Variants in CD4 observed in about 807,000 individuals in gnomAD.
The protein encoded by CD4 is T-cell surface glycoprotein CD4.
CD4 carries 25 observed loss-of-function variants against 50.5 expected under a neutral mutation model. The observed-to-expected ratio is 0.49, with a 90% CI of 0.36 to 0.69. CD4 has a LOEUF of 0.69. Ranked by LOEUF, CD4 falls within the 30% of genes least tolerant of loss-of-function variation. The probability of loss-of-function intolerance (pLI) is 0.00; values close to 1 mark genes in which losing one functional copy is unlikely to be tolerated. For synonymous variants in CD4, 207 were observed against 221.9 expected (o/e 0.93, Z 0.60); for missense variants, 456 against 548.5 (o/e 0.83, Z 1.68).
chr12:6,803,616 C>T (rs1942629780), intron 3 of CD4, among the ~76,000 whole-genome samples: 1 of 149,716 alleles, frequency 6.7e-6, no homozygotes, highest in Non-Finnish European at 1.5e-5. Context: ...AACCCCGTCT[C>T]TACTAAAAAT....
In CD4 at chr12:6,818,068, A is replaced by G. The variant is rs58896062; in HGVS notation, c.1157-353A>G. Among the ~76,000 whole-genome samples the G allele has an allele frequency of 0.15, 22,229 of 145,778 alleles. 3,502 individuals are homozygous for G. Among genetic ancestry groups the G allele is most frequent in the African/African-American group, 0.41 (16,399 of 40,168 alleles). ...TTCACACACATGCACACACGCACAC[A>G]CATTCACACATGGACTCACACGCGC... On this transcript the variant is annotated intron_variant, in intron 7 of 9. Transcript: ENST00000011653. The surrounding 1 kb of genome is among the most constrained non-coding windows in gnomAD (Gnocchi z 5.0).
Position 6,800,352 on chromosome 12 carries a change from A to T in CD4, c.95A>T (p.Lys32Ile), listed in dbSNP as rs782235609. The change falls in exon 3 of 10, where the codon AAA (lysine) becomes ATA (isoleucine). Residue 32 changes from lysine (K) to isoleucine (I), a missense_variant. Coordinates refer to ENST00000011653, the MANE Select transcript of CD4 (RefSeq NM_000616.5). ...CAGGGAAAGAAAGTGGTGCTGGGCA[A>T]AAAAGGGGATACAGTGGAACTGACC... Reference protein sequence around the residue: ...ATQGKKVVLGKKGDTVELTCT... With the variant: ...ATQGKKVVLGIKGDTVELTCT... The T allele has an allele frequency of 6.2e-7, 1 of 1,614,104 alleles. No homozygotes were observed. Among genetic ancestry groups the T allele is most frequent in the East Asian group, 2.2e-5 (1 of 44,886 alleles).
Position 6,805,184 on chromosome 12 carries a change from CAA to C in CD4, c.214+4734_214+4735del, listed in dbSNP as rs1190331748. Among the ~76,000 whole-genome samples, 3 of 79,144 alleles carry C rather than the reference CAA, an allele frequency of 3.8e-5. No individual in the cohort carries two copies. In the Admixed American group the frequency reaches 5.3e-4, roughly 14 times the overall value. 51.9% of individuals were successfully genotyped at this position (79,144 alleles called of 152,430 possible). A position where few individuals can be genotyped will look rare whatever the true frequency, so the allele number is the denominator to read the frequency against. ...TCGGTAGGAGAGCAAGACCCTATCT[CAA>C]AAAAAAAAAAAAAAAAAAAAGAAAA... On this transcript the variant is annotated intron_variant, in intron 3 of 9. Coordinates refer to ENST00000011653, the MANE Select transcript of CD4 (RefSeq NM_000616.5).
At position 6,818,978 on chromosome 12, in the gene CD4, GGGGGAGGAA is replaced by G. The variant is rs1185606901; in HGVS notation, c.1346+71_1346+79del. 36 of 787,578 alleles carry G rather than the reference GGGGGAGGAA, an allele frequency of 4.6e-5. No homozygotes were observed. The highest frequency in any genetic ancestry group is 6.5e-5 in the Non-Finnish European group (32 of 494,068). 48.8% of individuals were successfully genotyped at this position (787,578 alleles called of 1,614,324 possible). A position where few individuals can be genotyped will look rare whatever the true frequency, so the allele number is the denominator to read the frequency against. ...GGGAGGGGGAGGGAGTTAGAGAGGA[GGGGGAGGAA>G]GGGGAGCAAAGGGGGGCAGGAAGGG... On this transcript the variant is annotated intron_variant, in intron 9 of 9. Transcript: ENST00000011653. This position sits in a 1 kb window ranked among gnomAD's most constrained non-coding sequence, Gnocchi z 5.0.
At chr12:6,815,888 G>C in intron 5 of CD4, 168 bp from the exon 6 acceptor site, 2 of 1,521,416 alleles carry the variant, frequency 1.3e-6, no homozygotes, top group Non-Finnish European at 1.8e-6. Flanking sequence ...GAAGAAGGGA[G>C]AGAAGGCTGG....
chr12:6,815,189 C>T lies in CD4; in HGVS notation c.607+197C>T, dbSNP rs988667221. 31 of 566,276 alleles carry T rather than the reference C, an allele frequency of 5.5e-5. No homozygotes were observed. In the African/African-American group the frequency reaches 5.8e-4, roughly 11 times the overall value. The allele number at this position is 566,276 out of a possible 1,614,324, so 35.1% of individuals were successfully genotyped here. A position where few individuals can be genotyped will look rare whatever the true frequency, so the allele number is the denominator to read the frequency against. ...TCAGGGGGCTGATTGGCAGCCACCC[C>T]TCAGTGTGGTGGACATGGAGAAAGG... On this transcript the variant is annotated intron_variant, in intron 5 of 9. Coordinates refer to ENST00000011653, the MANE Select transcript of CD4 (RefSeq NM_000616.5).
At chr12:6,800,906 A>T (rs1942524374) in intron 3 of CD4, among the ~76,000 whole-genome samples, 1 of 147,296 alleles carries the variant, frequency 6.8e-6, no homozygotes, top group Non-Finnish European at 1.5e-5. Flanking sequence ...GAAAAAAAAT[A>T]TATATATATT....
At chr12:6,817,702 CCATA>C (rs1322609320) in intron 7 of CD4, among the ~76,000 whole-genome samples, 1 of 148,864 alleles carries the variant, frequency 6.7e-6, no homozygotes, top group Non-Finnish European at 1.5e-5. Context: ...GCACACACTC[CCATA>C]CACTCTCACA....
Position 6,819,531 on chromosome 12 carries a change from ACCG to A in CD4, c.*203_*205del, listed in dbSNP as rs879947870. 4 of 601,346 alleles carry A rather than the reference ACCG, an allele frequency of 6.7e-6. No individual in the cohort carries two copies. Among genetic ancestry groups the A allele is most frequent in the Non-Finnish European group, 1.2e-5 (4 of 336,710 alleles). The allele number at this position is 601,346 out of a possible 1,614,324, so 37.3% of individuals were successfully genotyped here. Reference sequence around the variant, plus strand: ...CTCTAGTTTCCAGAGGCTTAATCACACCGTCCTCCACGCCATTTCCTTTTCCTT... The same window carrying A: ...CTCTAGTTTCCAGAGGCTTAATCACATCCTCCACGCCATTTCCTTTTCCTT... On this transcript the variant is annotated 3_prime_UTR_variant, in exon 10 of 10. Transcript: ENST00000011653.
At position 6,818,510 on chromosome 12, in the gene CD4, A is replaced by G. The variant is rs376827574; in HGVS notation, c.1246A>G (p.Ile416Val). The G allele has an allele frequency of 6.8e-6, 11 of 1,613,046 alleles. No individual in the cohort carries two copies. Among genetic ancestry groups the G allele is most frequent in the Non-Finnish European group, 9.3e-6 (11 of 1,179,988 alleles). ...CCTCCTGCTTTTCATTGGGCTAGGC[A>G]TCTTCTTCTGTGTCAGGTGCCGGCA... is the stretch of plus-strand genomic sequence containing the variant. ...AGLLLFIGLG[I>V]FFCVRCRHRR... is the part of the protein sequence containing the mutation. Residue 416 changes from isoleucine (I) to valine (V), a missense_variant, in exon 8 of 10, where the codon ATC becomes GTC. Physicochemically the swap from Ile to Val is conservative, Grantham distance 29. Coordinates refer to ENST00000011653, the MANE Select transcript of CD4 (RefSeq NM_000616.5). This position sits in a 1 kb window ranked among gnomAD's most constrained non-coding sequence, Gnocchi z 5.0.
chr12:6,801,215 T>C (rs940162326), intron 3 of CD4, among the ~76,000 whole-genome samples: 38 of 151,270 alleles, frequency 2.5e-4, no homozygotes, highest in Non-Finnish European at 5.0e-4. Flanking sequence ...CAAAAAAAAT[T>C]TTTTTAATTA....
Position 6,820,492 on chromosome 12 carries a change from G to T in CD4, c.*1163G>T, listed in dbSNP as rs1476406306. The stretch of plus-strand genomic sequence containing the variant: ...CCTCTAAGGGACCTCAAAGGTGATT[G>T]TGCCAGGCTCTGCGCCTGCCCCACA... On this transcript the variant is annotated 3_prime_UTR_variant, in exon 10 of 10. Transcript: ENST00000011653. 2 of 152,284 alleles carry T rather than the reference G, an allele frequency of 1.3e-5. No individual in the cohort carries two copies. The highest frequency in any genetic ancestry group is 2.1e-4 in the South Asian group (1 of 4,836). 9.4% of individuals were successfully genotyped at this position (152,284 alleles called of 1,614,324 possible). A position where few individuals can be genotyped will look rare whatever the true frequency, so the allele number is the denominator to read the frequency against.
intron 4 of CD4, 158 bp from the exon 5 acceptor site, chr12:6,814,601 A>C: frequency 1.4e-6 from 1 of 731,558 alleles, no homozygotes; most frequent in Non-Finnish European, 2.4e-6. Context: ...AGAGGAGGGG[A>C]GAGGGAAACC....
intron 7 of CD4, among the ~76,000 whole-genome samples, chr12:6,817,754 T>A (rs1189086325): frequency 9.2e-6 from 1 of 108,604 alleles, no homozygotes; most frequent in Non-Finnish European, 1.7e-5. Context: ...CACACACTCA[T>A]ACACACACTA....
chr12:6,792,354 C>T lies in CD4; in HGVS notation c.-68+2692C>T, dbSNP rs1466411643. Reference sequence around the variant, plus strand: ...GCGTGGTGTGTGTTGCCATTTTGGTCTCTTCTCTTTCTCAGTCTCTCTTTG... The same window carrying T: ...GCGTGGTGTGTGTTGCCATTTTGGTTTCTTCTCTTTCTCAGTCTCTCTTTG... On this transcript the variant is annotated intron_variant, in intron 1 of 9. Coordinates refer to ENST00000011653, the MANE Select transcript of CD4 (RefSeq NM_000616.5). The surrounding 1 kb of genome is among the most constrained non-coding windows in gnomAD (Gnocchi z 4.1). 6.6e-6 allele frequency among the ~76,000 whole-genome samples: 1 copy of T among 152,104 alleles called. No homozygotes were observed. Among genetic ancestry groups the T allele is most frequent in the African/African-American group, 2.4e-5 (1 of 41,422 alleles).
Position 6,819,396 on chromosome 12 carries a change from G to A in CD4, c.*67G>A. On this transcript the variant is annotated 3_prime_UTR_variant, in exon 10 of 10. Transcript: ENST00000011653. Reference sequence around the variant, plus strand: ...GTCTGCCCCGCGTTTCCTGCCTGCGGACCAGATGAATGTAGCAGATCCCCA... The same window carrying A: ...GTCTGCCCCGCGTTTCCTGCCTGCGAACCAGATGAATGTAGCAGATCCCCA... 6.8e-7 allele frequency: 1 copy of A among 1,474,114 alleles called. No individual in the cohort carries two copies. Among genetic ancestry groups the A allele is most frequent in the Non-Finnish European group, 9.5e-7 (1 of 1,052,420 alleles). 91.3% of individuals were successfully genotyped at this position (1,474,114 alleles called of 1,614,324 possible). A position where few individuals can be genotyped will look rare whatever the true frequency, so the allele number is the denominator to read the frequency against.
chr12:6,811,604 T>C (rs1227727196), intron 3 of CD4, among the ~76,000 whole-genome samples: 1 of 147,170 alleles, frequency 6.8e-6, no homozygotes, highest in Admixed American at 6.8e-5. Flanking sequence ...GCCATTCTCC[T>C]CCCTCAGCCT....
At position 6,816,403 on chromosome 12, in the gene CD4, G is replaced by C; in HGVS notation, c.955G>C (p.Ala319Pro). 1 of 1,611,134 alleles carries C rather than the reference G, an allele frequency of 6.2e-7. No homozygotes were observed. The highest frequency in any genetic ancestry group is 8.5e-7 in the Non-Finnish European group (1 of 1,178,034). ...GGAAGTGAACCTGGTGGTGATGAGA[G>C]GTGAGGGGCCAGGCCAGGGAGGGGT... is the stretch of plus-strand genomic sequence containing the variant. The part of the protein sequence containing the change: ...HQEVNLVVMR[A>P]TQLQKNLTCE... The change falls in exon 6 of 10, where the codon GCC (alanine) becomes CCC (proline). Residue 319 changes from alanine (A) to proline (P), a missense_variant and splice_region_variant. Coordinates refer to ENST00000011653, the MANE Select transcript of CD4 (RefSeq NM_000616.5). This position sits in a 1 kb window ranked among gnomAD's most constrained non-coding sequence, Gnocchi z 4.9.
intron 3 of CD4, among the ~76,000 whole-genome samples, chr12:6,801,661 A>G (rs781993096): frequency 6.6e-6 from 1 of 150,410 alleles, no homozygotes; most frequent in Non-Finnish European, 1.5e-5. Flanking sequence ...CCCGGGTTCA[A>G]GTGATTCTCC....
Sources: gnomAD v4.1 joint callset for allele counts (sites outside exome capture counted in the v4.1 genomes callset) on GRCh38, gnomAD v4.1.1 for gene constraint, Gnocchi (gnomAD v3.1) non-coding constraint, MANE v1.5 for transcripts, NCBI Gene and HGNC (gene_info 2026-07-23, HGNC 2026-07-21) for gene names.